Variants in PDCD7 observed in about 807,000 individuals in gnomAD.
PDCD7 encodes programmed cell death 7.
A neutral mutation model predicts 42.1 loss-of-function variants in PDCD7; 40 were observed. The ratio of observed to expected loss-of-function variants is 0.95; its 90% CI spans 0.74 to 1.24. The LOEUF is 1.24. Ranked by LOEUF, PDCD7 falls within the 50% of genes most tolerant of loss-of-function variation. The pLI is 0.00. For missense variants in PDCD7, 644 were observed against 662.8 expected (o/e 0.97, Z 0.31); for synonymous variants, 299 against 303.3 (o/e 0.99, Z 0.15).
At chr15:65,120,466 G>A (rs1649384030) in intron 2 of PDCD7, among the ~76,000 whole-genome samples, 1 of 152,036 alleles carries the variant, frequency 6.6e-6, no homozygotes, top group South Asian at 2.1e-4. Context: ...CTACTAATTT[G>A]TAAATTTTTT....
intron 2 of PDCD7, among the ~76,000 whole-genome samples, chr15:65,120,915 G>A (rs753546229): frequency 4.0e-5 from 6 of 151,844 alleles, no homozygotes; most frequent in South Asian, 2.1e-4. Flanking sequence ...AGTATGTATC[G>A]GTTAAAATTT....
chr15:65,133,504 G>GGCGGCGGAGGAGGCA lies in PDCD7; in HGVS notation c.263_277dup (p.Leu88_Pro92dup), dbSNP rs1211985610. The GGCGGCGGAGGAGGCA allele has an allele frequency of 1.6e-6, 2 of 1,226,028 alleles. No individual in the cohort carries two copies. The highest frequency in any genetic ancestry group is 2.0e-6 in the Non-Finnish European group (2 of 984,502). The allele number at this position is 1,226,028 out of a possible 1,614,324, so 75.9% of individuals were successfully genotyped here. The stretch of plus-strand genomic sequence containing the variant: ...GGTCCCCGGGAAGGGCCGACACTGG[G>GGCGGCGGAGGAGGCA]GCGGCGGAGGAGGCAGCGGCGGTGG... On this transcript the variant is annotated inframe_insertion, in exon 1 of 5. Transcript: ENST00000204549.
At chr15:65,127,986 G>C (rs1035375658) in intron 2 of PDCD7, among the ~76,000 whole-genome samples, 1 of 152,300 alleles carries the variant, frequency 6.6e-6, no homozygotes, top group East Asian at 1.9e-4. Flanking sequence ...CTGAGGTCTG[G>C]ATGTGAATTA....
At position 65,133,308 on chromosome 15, in the gene PDCD7, G is replaced by C; in HGVS notation, c.474C>G (p.Gly158=). 11 of 1,296,584 alleles carry C rather than the reference G, an allele frequency of 8.5e-6. No homozygotes were observed. Among genetic ancestry groups the C allele is most frequent in the Non-Finnish European group, 1.1e-5 (11 of 1,025,810 alleles). 80.3% of individuals were successfully genotyped at this position (1,296,584 alleles called of 1,614,324 possible). Reference sequence around the variant, plus strand: ...CATGCGTGCGCTGGGGCACCGGACAGCCTGCCCGCCGCGGGGTCCCGAACA... The same window carrying C: ...CATGCGTGCGCTGGGGCACCGGACACCCTGCCCGCCGCGGGGTCCCGAACA... ...EAVFGTPRRA[G]CPVPQRTHAG... The change falls in exon 1 of 5, where the codon GGC becomes GGG. Residue 158 remains glycine (G), a synonymous_variant. Transcript: ENST00000204549.
chr15:65,128,718 G>A (rs1417820064), intron 2 of PDCD7, among the ~76,000 whole-genome samples: 5 of 152,212 alleles, frequency 3.3e-5, no homozygotes, highest in Non-Finnish European at 7.3e-5. Flanking sequence ...ACAAGGCAAA[G>A]GTGACTAGCC....
In PDCD7 at chr15:65,133,472, C is replaced by T; in HGVS notation, c.310G>A (p.Gly104Ser). The T allele has an allele frequency of 8.2e-7, 1 of 1,216,738 alleles. No homozygotes were observed. Among genetic ancestry groups the T allele is most frequent in the Non-Finnish European group, 1.0e-6 (1 of 978,488 alleles). 75.4% of individuals were successfully genotyped at this position (1,216,738 alleles called of 1,614,324 possible). The change falls in exon 1 of 5, where the codon GGC (glycine) becomes AGC (serine). Residue 104 changes from glycine to serine, a missense_variant. Gly to Ser is a moderately conservative substitution (Grantham distance 56, BLOSUM62 0). Transcript: ENST00000204549. ...QCRPFPGTDA[G>S]ERPRPPPPGP... Reference sequence around the variant, plus strand: ...GGAGGCGGTGGCCGCGGCCGCTCGCCGGCGTCGGTCCCCGGGAAGGGCCGA... The same window carrying T: ...GGAGGCGGTGGCCGCGGCCGCTCGCTGGCGTCGGTCCCCGGGAAGGGCCGA...
At chr15:65,132,067 CATACATACAT>C (rs1314280425) in intron 1 of PDCD7, among the ~76,000 whole-genome samples, 1 of 148,144 alleles carries the variant, frequency 6.8e-6, no homozygotes, top group Non-Finnish European at 1.5e-5. Context: ...CACACATACA[CATACATACAT>C]ATATATACAC....
Position 65,133,807 on chromosome 15 carries a change from G to A in PDCD7, c.-26C>T. The A allele has an allele frequency of 3.7e-6, 5 of 1,363,878 alleles. No individual in the cohort carries two copies. Among genetic ancestry groups the A allele is most frequent in the Non-Finnish European group, 2.8e-6 (3 of 1,057,004 alleles). The allele number at this position is 1,363,878 out of a possible 1,614,324, so 84.5% of individuals were successfully genotyped here. On this transcript the variant is annotated 5_prime_UTR_variant, in exon 1 of 5. Coordinates refer to ENST00000204549, the MANE Select transcript of PDCD7 (RefSeq NM_005707.2). ...GTTCACGACGGAGATGCTTTGAGAA[G>A]TGACAGGAATCTGAGTGGCTCCTCA... is the stretch of plus-strand genomic sequence containing the variant.
intron 2 of PDCD7, among the ~76,000 whole-genome samples, chr15:65,127,463 C>CAAAAA (rs1464820018): frequency 3.4e-5 from 2 of 58,228 alleles, no homozygotes; most frequent in South Asian, 6.0e-4. Context: ...GACTCCGTCT[C>CAAAAA]AAAAAAAAAA....
At chr15:65,132,780 G>A (rs937678825) in intron 1 of PDCD7, 132 bp downstream of exon 1, 4 of 1,339,336 alleles carry the variant, frequency 3.0e-6, no homozygotes, top group Middle Eastern at 1.9e-4. Context: ...TATGAGCTGG[G>A]AAGGTTAGCT....
At chr15:65,132,185 T>C (rs1304998972) in intron 1 of PDCD7, among the ~76,000 whole-genome samples, 1 of 151,044 alleles carries the variant, frequency 6.6e-6, no homozygotes, top group East Asian at 1.9e-4. Context: ...TGGGGATACA[T>C]GGTTTAAAAC....
At chr15:65,129,300 T>G (rs962602966) in intron 1 of PDCD7, 130 bp from the exon 2 acceptor site, 4 of 1,036,366 alleles carry the variant, frequency 3.9e-6, no homozygotes, top group East Asian at 2.4e-5. Flanking sequence ...TGAATCTCCA[T>G]CCCAATTTCT....
intron 2 of PDCD7, among the ~76,000 whole-genome samples, chr15:65,124,425 CA>C (rs532726090): frequency 1.0e-3 from 135 of 132,116 alleles, no homozygotes; most frequent in Admixed American, 1.2e-3. Flanking sequence ...AACTCCGTCT[CA>C]AAAAAAAAAA....
rs748891636 is a variant in PDCD7 at position 65,133,798 on chromosome 15, C to T, written c.-17G>A. The T allele has an allele frequency of 3.7e-6, 5 of 1,361,030 alleles. No individual in the cohort carries two copies. Among genetic ancestry groups the T allele is most frequent in the Non-Finnish European group, 3.8e-6 (4 of 1,055,704 alleles). 84.3% of individuals were successfully genotyped at this position (1,361,030 alleles called of 1,614,324 possible). ...CAGGGCCATGTTCACGACGGAGATG[C>T]TTTGAGAAGTGACAGGAATCTGAGT... On this transcript the variant is annotated 5_prime_UTR_variant, in exon 1 of 5. Transcript: ENST00000204549.
At chr15:65,128,187 T>C (rs2087511450) in intron 2 of PDCD7, among the ~76,000 whole-genome samples, 1 of 152,230 alleles carries the variant, frequency 6.6e-6, no homozygotes. Flanking sequence ...CACTCTCAAA[T>C]ATCTCTGGTG....
intron 2 of PDCD7, among the ~76,000 whole-genome samples, chr15:65,125,114 G>A (rs1321934569): frequency 6.6e-6 from 1 of 152,114 alleles, no homozygotes; most frequent in Non-Finnish European, 1.5e-5. Flanking sequence ...TCAAATATCT[G>A]TCCCCATTTA....
intron 2 of PDCD7, among the ~76,000 whole-genome samples, chr15:65,127,360 G>A (rs1021643292): frequency 6.6e-6 from 1 of 151,940 alleles, no homozygotes; most frequent in Non-Finnish European, 1.5e-5. Context: ...GGGAGGCTGA[G>A]GCAGGAGAAT....
chr15:65,130,741 G>A (rs576345036), intron 1 of PDCD7, among the ~76,000 whole-genome samples: 7 of 152,166 alleles, frequency 4.6e-5, no homozygotes, highest in African/African-American at 1.7e-4. Context: ...TACTCTGGAG[G>A]CTAAGGCAGG....
At chr15:65,127,577 C>T (rs1160919034) in intron 2 of PDCD7, among the ~76,000 whole-genome samples, 45 of 152,152 alleles carry the variant, frequency 3.0e-4, no homozygotes, top group Admixed American at 2.6e-3. Flanking sequence ...AAACATCCAG[C>T]CTCATCATTC....
Sources: allele counts gnomAD v4.1 joint callset (sites outside exome capture counted in the v4.1 genomes callset), GRCh38; gene constraint gnomAD v4.1.1; transcripts MANE v1.5; gene names NCBI Gene and HGNC (gene_info 2026-07-23, HGNC 2026-07-21).